The following CTNND2 variants were observed in gnomAD, a reference collection of about 807,000 sequenced individuals.
CTNND2 encodes the protein catenin delta-2.
CTNND2 carries 22 observed loss-of-function variants against 144.4 expected under a neutral mutation model. The ratio of observed to expected loss-of-function variants is 0.15; its 90% CI spans 0.11 to 0.22. CTNND2 has a LOEUF of 0.22. CTNND2 is among the 10% of genes least tolerant of loss of function. CTNND2 has a pLI of 1.00. For synonymous variants in CTNND2, 751 were observed against 695.6 expected, an observed-to-expected ratio of 1.08 and a Z score of -1.25; for missense variants, 1,353 against 1,618.8, an observed-to-expected ratio of 0.84 and a Z score of 2.82.
intron 20 of CTNND2, among the ~76,000 whole-genome samples, chr5:10,984,229 C>T (rs1022434134): frequency 6.6e-6 from 1 of 152,268 alleles, no homozygotes; most frequent in African/African-American, 2.4e-5. Flanking sequence ...CTGCTACCTC[C>T]GTATGTATCC....
intron 14 of CTNND2, among the ~76,000 whole-genome samples, chr5:11,099,044 A>G (rs1751627782): frequency 6.6e-6 from 1 of 152,204 alleles, no homozygotes; most frequent in South Asian, 2.1e-4. Context: ...ATGTTGCTGT[A>G]GGAAGGAAGG....
chr5:11,646,860 T>C (rs897624400), intron 2 of CTNND2, among the ~76,000 whole-genome samples: 2 of 152,134 alleles, frequency 1.3e-5, no homozygotes, highest in Admixed American at 1.3e-4. Context: ...GGTGGAAAGG[T>C]GCACCCTGGT....
At position 11,384,610 on chromosome 5, in the gene CTNND2, C is replaced by T; in HGVS notation, c.1177+55G>A. The T allele has an allele frequency of 6.6e-7, 1 of 1,515,970 alleles. No homozygotes were observed. The highest frequency in any genetic ancestry group is 8.8e-7 in the Non-Finnish European group (1 of 1,130,660). The allele number at this position is 1,515,970 out of a possible 1,614,324, so 93.9% of individuals were successfully genotyped here. On this transcript the variant is annotated intron_variant, in intron 7 of 21. Transcript: ENST00000304623. This position sits in a 1 kb window ranked among gnomAD's most constrained non-coding sequence, Gnocchi z 5.2. ...TTCTGCTCAAGCCGGGCTGCTGCTTCCGCGTCCCCGCCACGCGCCCAGGTG... is the reference window on the plus strand; with the variant it reads ...TTCTGCTCAAGCCGGGCTGCTGCTTTCGCGTCCCCGCCACGCGCCCAGGTG...
At chr5:11,754,686 T>G (rs924882511) in intron 1 of CTNND2, among the ~76,000 whole-genome samples, 3 of 151,872 alleles carry the variant, frequency 2.0e-5, no homozygotes, top group African/African-American at 7.2e-5. Context: ...TCTTGTTGAG[T>G]TGATCCTTTT....
intron 16 of CTNND2, among the ~76,000 whole-genome samples, chr5:11,024,624 T>C (rs950157094): frequency 2.0e-5 from 3 of 152,188 alleles, no homozygotes; most frequent in African/African-American, 7.2e-5. Context: ...ACTCCAGTCA[T>C]TGTATATACG....
intron 2 of CTNND2, among the ~76,000 whole-genome samples, chr5:11,571,516 C>T (rs1777549275): frequency 6.6e-6 from 1 of 151,962 alleles, no homozygotes; most frequent in South Asian, 2.1e-4. Context: ...TCTTGTGGTC[C>T]CTGCGTCAAG....
intron 12 of CTNND2, among the ~76,000 whole-genome samples, chr5:11,127,319 C>T (rs1394526789): frequency 6.6e-6 from 1 of 152,206 alleles, no homozygotes; most frequent in Non-Finnish European, 1.5e-5. Context: ...TGGGCCATCC[C>T]TCACCAGAGG....
At chr5:11,312,150 C>G (rs1238229984) in intron 9 of CTNND2, among the ~76,000 whole-genome samples, 1 of 148,032 alleles carries the variant, frequency 6.8e-6, no homozygotes, top group African/African-American at 2.5e-5. Context: ...CCCCACCACA[C>G]ACACACTCCC....
chr5:11,229,372 T>TA (rs1247965820), intron 10 of CTNND2, among the ~76,000 whole-genome samples: 4 of 152,140 alleles, frequency 2.6e-5, no homozygotes, highest in Non-Finnish European at 4.4e-5. Context: ...AAATAAAATA[T>TA]TTAGCTGGGC....
chr5:11,621,867 T>C (rs56118830), intron 2 of CTNND2, among the ~76,000 whole-genome samples: 2,240 of 152,334 alleles, frequency 0.015, 59 homozygotes, highest in African/African-American at 0.051. Context: ...GGGGCTGTCA[T>C]AGTTGGCTGA....
chr5:11,230,335 T>C (rs1740864936), intron 10 of CTNND2, among the ~76,000 whole-genome samples: 1 of 144,930 alleles, frequency 6.9e-6, no homozygotes, highest in Non-Finnish European at 1.5e-5. Flanking sequence ...ACCTGTACAA[T>C]GTGCACATGT....
rs7714711 is a variant in CTNND2, at chr5:11,825,673, T to C, written c.37+78144A>G. Among the ~76,000 whole-genome samples, 1,317 of 152,178 alleles carry C rather than the reference T, an allele frequency of 8.7e-3. 24 individuals carry two copies. The highest frequency in any genetic ancestry group is 0.03 in the African/African-American group (1,229 of 41,564). Reference sequence around the variant, plus strand: ...GTTGCTTTTATCATTATTAATAATATTATTATTAATTTGCTTTTGCTGAAA... The same window carrying C: ...GTTGCTTTTATCATTATTAATAATACTATTATTAATTTGCTTTTGCTGAAA... On this transcript the variant is annotated intron_variant, in intron 1 of 21. Transcript: ENST00000304623.
chr5:11,615,202 T>C (rs1780522923), intron 2 of CTNND2, among the ~76,000 whole-genome samples: 1 of 152,224 alleles, frequency 6.6e-6, no homozygotes, highest in Admixed American at 6.5e-5. Context: ...ATCTCTTCTT[T>C]CCTATTTAAT....
At chr5:11,796,752 T>C (rs990946605) in intron 1 of CTNND2, among the ~76,000 whole-genome samples, 1 of 152,102 alleles carries the variant, frequency 6.6e-6, no homozygotes, top group African/African-American at 2.4e-5. Context: ...CAAAAATCTA[T>C]ATAAAAACTA....
At chr5:11,462,643 A>G (rs554750048) in intron 3 of CTNND2, among the ~76,000 whole-genome samples, 1 of 152,330 alleles carries the variant, frequency 6.6e-6, no homozygotes, top group East Asian at 1.9e-4. Flanking sequence ...AGCACAAAAA[A>G]TAAAAAGTAA....
In CTNND2 at chr5:11,786,422, A is replaced by C. The variant is rs181181543; in HGVS notation, c.38-54150T>G. Among the ~76,000 whole-genome samples the C allele has an allele frequency of 6.0e-4, 91 of 152,314 alleles. No homozygotes were observed. The South Asian group carries it at 0.012, about 20-fold the overall frequency. On this transcript the variant is annotated intron_variant, in intron 1 of 21. Transcript: ENST00000304623. ...AAATCATTGAGGTGGTTATAAATAA[A>C]GCATTACACCTTAATTCCCTAGGTA... is the stretch of plus-strand genomic sequence containing the variant.
At chr5:10,982,630 T>C (rs927942226) in intron 20 of CTNND2, among the ~76,000 whole-genome samples, 1 of 152,224 alleles carries the variant, frequency 6.6e-6, no homozygotes, top group African/African-American at 2.4e-5. Flanking sequence ...CCATATCACC[T>C]AGCAATCCCA....
intron 10 of CTNND2, among the ~76,000 whole-genome samples, chr5:11,201,957 G>C (rs1737489480): frequency 6.6e-6 from 1 of 152,132 alleles, no homozygotes; most frequent in Non-Finnish European, 1.5e-5. Context: ...TGCTTGAGAA[G>C]GGATATTCCA....
intron 3 of CTNND2, among the ~76,000 whole-genome samples, chr5:11,510,455 G>A (rs1771530531): frequency 6.6e-6 from 1 of 152,114 alleles, no homozygotes; most frequent in African/African-American, 2.4e-5. Context: ...AGTTTGTCTA[G>A]GTATCACTTC....
Sources: gnomAD v4.1 joint callset for allele counts (sites outside exome capture counted in the v4.1 genomes callset) on GRCh38, gnomAD v4.1.1 for gene constraint, Gnocchi (gnomAD v3.1) non-coding constraint, MANE v1.5 for transcripts, NCBI Gene and HGNC (gene_info 2026-07-23, HGNC 2026-07-21) for gene names.